SHROOM2: variants seen among roughly 807,000 people sequenced by gnomAD.
SHROOM2 encodes the protein protein Shroom2.
A neutral mutation model predicts 75.9 loss-of-function variants in SHROOM2; 33 were observed. The observed-to-expected ratio is 0.43, with a 90% CI of 0.33 to 0.58. The LOEUF (loss-of-function observed/expected upper bound fraction) is 0.58, where lower values mean the gene tolerates loss of function less well. SHROOM2 is among the 20% of genes least tolerant of loss of function. SHROOM2 has a pLI of 0.04. For synonymous variants in SHROOM2, 655 were observed against 663.6 expected, an observed-to-expected ratio of 0.99 and a Z score of 0.20; for missense variants, 1,434 against 1,461.2, an observed-to-expected ratio of 0.98 and a Z score of 0.30.
chrX:9,899,021 A>C (rs2084350598), intron 5 of SHROOM2, among the ~76,000 whole-genome samples: 1 of 110,256 alleles, frequency 9.1e-6, no homozygotes, highest in African/African-American at 3.3e-5. Flanking sequence ...AGGCAGGTGA[A>C]TCGCTTGAGC....
chrX:9,857,176 G>A (rs1035290772), intron 1 of SHROOM2, among the ~76,000 whole-genome samples: 5 of 112,292 alleles, frequency 4.5e-5, no homozygotes, highest in Admixed American at 1.9e-4. Context: ...GTGAGGGAAC[G>A]TTGAGAACAC....
chrX:9,786,831 GCT>G (rs2146716865), intron 1 of SHROOM2, 121 bp downstream of exon 1: 2 of 523,821 alleles, frequency 3.8e-6, no homozygotes, highest in East Asian at 1.6e-4. Flanking sequence ...GCGCGCGTCT[GCT>G]GGGGTCACCT....
chrX:9,948,439 C>T lies in SHROOM2; in HGVS notation c.*1502C>T, dbSNP rs1305944194. The T allele has an allele frequency of 8.9e-6, 1 of 112,583 alleles. No individual in the cohort carries two copies. The highest frequency in any genetic ancestry group is 2.8e-4 in the East Asian group (1 of 3,605). 9.3% of individuals were successfully genotyped at this position (112,583 alleles called of 1,213,427 possible). ...AACGGATCATTTTAACCCTGACTTC[C>T]CCTTATTCCCATAAAAGAAGTTTTC... is the stretch of plus-strand genomic sequence containing the variant. On this transcript the variant is annotated 3_prime_UTR_variant, in exon 10 of 10. Transcript: ENST00000380913.
chrX:9,875,283 C>T (rs926527099), intron 2 of SHROOM2, among the ~76,000 whole-genome samples: 2 of 108,513 alleles, frequency 1.8e-5, no homozygotes, highest in Non-Finnish European at 3.8e-5. Context: ...CACCATGACA[C>T]TGTGTTATGG....
intron 1 of SHROOM2, among the ~76,000 whole-genome samples, chrX:9,807,199 C>G (rs910821655): frequency 8.0e-5 from 9 of 112,133 alleles, no homozygotes; most frequent in Non-Finnish European, 1.7e-4. Flanking sequence ...AGGGTCACAG[C>G]CAGCCCCGTC....
intron 1 of SHROOM2, among the ~76,000 whole-genome samples, chrX:9,831,775 C>T (rs1193624717): frequency 8.9e-6 from 1 of 111,834 alleles, no homozygotes; most frequent in Non-Finnish European, 1.9e-5. Flanking sequence ...CTGGTTCACA[C>T]AGTGCCTTCT....
chrX:9,922,380 C>A (rs2084553700), intron 5 of SHROOM2, among the ~76,000 whole-genome samples: 1 of 111,179 alleles, frequency 9.0e-6, no homozygotes, highest in African/African-American at 3.3e-5. Context: ...CTTTATACAC[C>A]TCGTAATCAA....
intron 5 of SHROOM2, among the ~76,000 whole-genome samples, chrX:9,902,026 A>G (rs1601979198): frequency 9.0e-6 from 1 of 110,535 alleles, no homozygotes; most frequent in African/African-American, 3.3e-5. Flanking sequence ...AGTTGGATGG[A>G]TGGAAGGGTA....
In SHROOM2 at chrX:9,836,474, A is replaced by AC. The variant is rs747199305; in HGVS notation, c.166-37172dup. Among the ~76,000 whole-genome samples the AC allele has an allele frequency of 6.7e-3, 699 of 103,718 alleles. 3 individuals carry two copies. Among genetic ancestry groups the AC allele is most frequent in the African/African-American group, 0.024 (673 of 27,995 alleles). The allele number at this position is 103,718 out of a possible 115,157, so 90.1% of individuals were successfully genotyped here. ...TGTCCTTCAGCCTCAGCCTCAGTCT[A>AC]CCCCCCAGCTTCTCTCTCTCTCTCT... On this transcript the variant is annotated intron_variant, in intron 1 of 9. Coordinates refer to ENST00000380913, the MANE Select transcript of SHROOM2 (RefSeq NM_001649.4).
In SHROOM2 at chrX:9,815,434, ATGTGTGTGTGTGTGTGTG is replaced by A. The variant is rs56223508; in HGVS notation, c.165+28754_165+28771del. 2.2e-3 allele frequency among the ~76,000 whole-genome samples: 199 copies of A among 88,713 alleles called. 2 individuals are homozygous for A. The highest frequency in any genetic ancestry group is 6.1e-3 in the African/African-American group (146 of 23,903). The allele number at this position is 88,713 out of a possible 115,157, so 77.0% of individuals were successfully genotyped here. A position where few individuals can be genotyped will look rare whatever the true frequency, so the allele number is the denominator to read the frequency against. On this transcript the variant is annotated intron_variant, in intron 1 of 9. Coordinates refer to ENST00000380913, the MANE Select transcript of SHROOM2 (RefSeq NM_001649.4). ...AACTAATAGGATAGATATACATATT[ATGTGTGTGTGTGTGTGTG>A]TGTGTGTGTGTGTGTGTGTGTGTGT... is the stretch of plus-strand genomic sequence containing the variant.
At position 9,815,564 on chromosome X, in the gene SHROOM2, TCTATATC is replaced by T. The variant is rs1441936777; in HGVS notation, c.165+28862_165+28868del. ...ATATATATCCTATATCTATCCTATA[TCTATATC>T]CTATATCTATATCTATATCTATATC... On this transcript the variant is annotated intron_variant, in intron 1 of 9. Transcript: ENST00000380913. Among the ~76,000 whole-genome samples, 689 of 98,941 alleles carry T rather than the reference TCTATATC, an allele frequency of 7.0e-3. 6 individuals are homozygous for T. Among genetic ancestry groups the T allele is most frequent in the African/African-American group, 0.023 (631 of 27,596 alleles). The allele number at this position is 98,941 out of a possible 115,157, so 85.9% of individuals were successfully genotyped here.
At chrX:9,830,705 G>A (rs2083912006) in intron 1 of SHROOM2, among the ~76,000 whole-genome samples, 2 of 96,857 alleles carry the variant, frequency 2.1e-5, no homozygotes, top group Non-Finnish European at 4.0e-5. Context: ...GGGTTCGAGC[G>A]ATTCTCCTGC....
intron 5 of SHROOM2, among the ~76,000 whole-genome samples, chrX:9,904,547 C>T (rs956344917): frequency 8.1e-5 from 9 of 111,768 alleles, no homozygotes; most frequent in Non-Finnish European, 1.7e-4. Flanking sequence ...AGCGGCCTCT[C>T]TTGGGGGAGA....
chrX:9,843,165 C>T (rs1488304665), intron 1 of SHROOM2, among the ~76,000 whole-genome samples: 1 of 109,999 alleles, frequency 9.1e-6, no homozygotes, highest in Non-Finnish European at 1.9e-5. Flanking sequence ...GGAGAATTCT[C>T]ACCTCCCCCA....
chrX:9,894,692 G>A lies in SHROOM2; in HGVS notation c.784G>A (p.Glu262Lys). 1 of 1,210,479 alleles carries A rather than the reference G, an allele frequency of 8.3e-7. No homozygotes were observed. Among genetic ancestry groups the A allele is most frequent in the South Asian group, 1.8e-5 (1 of 56,708 alleles). The change falls in exon 4 of 10, where the codon GAG becomes AAG. Residue 262 changes from glutamate to lysine, a missense_variant. By Grantham distance (56) the Glu-to-Lys change is moderately conservative. Coordinates refer to ENST00000380913, the MANE Select transcript of SHROOM2 (RefSeq NM_001649.4). ...GGCCGCAGGCGACCCTCAGGGCTCGGAGGAGAAGCTCAGTTGTTTCCCGCC... is the reference window on the plus strand; with the variant it reads ...GGCCGCAGGCGACCCTCAGGGCTCGAAGGAGAAGCTCAGTTGTTTCCCGCC... The part of the protein sequence containing the change: ...AQAAGDPQGS[E>K]EKLSCFPPRV...
intron 5 of SHROOM2, 36 bp downstream of exon 5, chrX:9,898,326 C>T (rs748040939): frequency 1.3e-4 from 133 of 1,036,575 alleles, no homozygotes; most frequent in Non-Finnish European, 1.6e-4. Context: ...ACTGAAGAGG[C>T]GTCTGAGGGT....
chrX:9,910,645 C>T (rs1258509599), intron 5 of SHROOM2, among the ~76,000 whole-genome samples: 5 of 109,142 alleles, frequency 4.6e-5, no homozygotes, highest in Admixed American at 3.9e-4. Context: ...GGTGAAACCC[C>T]GTCTCTAATA....
At position 9,946,722 on chromosome X, in the gene SHROOM2, A is replaced by C. The variant is rs765829257; in HGVS notation, c.4636A>C (p.Lys1546Gln). 8.3e-7 allele frequency: 1 copy of C among 1,204,482 alleles called. No homozygotes were observed. Among genetic ancestry groups the C allele is most frequent in the East Asian group, 3.0e-5 (1 of 33,586 alleles). Residue 1546 changes from lysine (K) to glutamine (Q), a missense_variant, in exon 10 of 10, where the codon AAG (lysine) becomes CAG (glutamine). By Grantham distance (53) the Lys-to-Gln change is moderately conservative. This residue lies in a region of SHROOM2 where 80 missense variants were observed against 88.4 expected (regional missense o/e 0.90). Transcript: ENST00000380913. ...RVLIQQHEDA[K>Q]ELKENLDRRE... ...CCTGATCCAGCAGCACGAGGACGCC[A>C]AGGAGCTCAAGGAGAACCTGGACCG... is the stretch of plus-strand genomic sequence containing the variant.
intron 5 of SHROOM2, among the ~76,000 whole-genome samples, chrX:9,915,358 GAC>G (rs2084480851): frequency 9.0e-6 from 1 of 110,800 alleles, no homozygotes; most frequent in African/African-American, 3.3e-5. Context: ...ATATATATGA[GAC>G]ACACGCACAG....
Sources: gnomAD v4.1 joint callset for allele counts (sites outside exome capture counted in the v4.1 genomes callset) on GRCh38, gnomAD v4.1.1 for gene constraint, gnomAD v4.1.1 regional missense constraint, MANE v1.5 for transcripts, NCBI Gene and HGNC (gene_info 2026-07-23, HGNC 2026-07-21) for gene names.